The following AFG2A variants were observed in gnomAD, a reference collection of about 807,000 sequenced individuals.
AFG2A encodes the protein AAA ATPase AFG2A, also known as ATPase family gene 2 protein homolog A.
the AFG2A span, among the ~76,000 whole-genome samples, chr4:123,066,847 G>A: frequency 2.0e-5 from 3 of 152,144 alleles, no homozygotes; most frequent in African/African-American, 7.2e-5. Context: ...AGCAAGAGAC[G>A]AAATGGAAAA....
chr4:123,108,173 A>G, the AFG2A span, among the ~76,000 whole-genome samples: 1,865 of 152,280 alleles, frequency 0.012, 38 homozygotes, highest in African/African-American at 0.042. Flanking sequence ...TGCTGCCATC[A>G]TTACTCCCAA....
the AFG2A span, among the ~76,000 whole-genome samples, chr4:122,953,609 G>C: frequency 2.0e-4 from 30 of 152,236 alleles, no homozygotes; most frequent in Admixed American, 6.5e-5. Context: ...AGGGTGGCGG[G>C]CTGAACCTGA....
At chr4:122,929,419 C>T in the AFG2A span, among the ~76,000 whole-genome samples, 1 of 152,008 alleles carries the variant, frequency 6.6e-6, no homozygotes, top group African/African-American at 2.4e-5. Context: ...AAGGGCTGGG[C>T]GCGGTGGCTT....
chr4:122,988,206 T>C, the AFG2A span, among the ~76,000 whole-genome samples: 6 of 151,984 alleles, frequency 3.9e-5, no homozygotes, highest in Non-Finnish European at 8.8e-5. Flanking sequence ...TTCTTGCTGC[T>C]TTCAAAATTT....
chr4:123,086,374 TGAG>T, the AFG2A span, among the ~76,000 whole-genome samples: 2 of 152,220 alleles, frequency 1.3e-5, no homozygotes, highest in South Asian at 4.1e-4. Flanking sequence ...ACATGGTTTC[TGAG>T]GAGAAGTTAA....
chr4:123,010,034 G>C, the AFG2A span, among the ~76,000 whole-genome samples: 218 of 152,180 alleles, frequency 1.4e-3, no homozygotes, highest in Non-Finnish European at 2.7e-3. Context: ...GAAGCCAGAA[G>C]GGAGAACAGT....
chr4:123,146,928 G>GCAAAGATCTGTCCC, the AFG2A span, among the ~76,000 whole-genome samples: 1 of 151,950 alleles, frequency 6.6e-6, no homozygotes, highest in African/African-American at 2.4e-5. Flanking sequence ...AGTCTTCCGT[G>GCAAAGATCTGTCCC]AGCAAAGATC....
the AFG2A span, among the ~76,000 whole-genome samples, chr4:123,290,316 T>G: frequency 2.0e-5 from 3 of 152,314 alleles, no homozygotes; most frequent in Admixed American, 6.5e-5. Flanking sequence ...TCTTTAGTAT[T>G]TTTACAGTTT....
At chr4:123,203,585 C>T in the AFG2A span, among the ~76,000 whole-genome samples, 1 of 152,164 alleles carries the variant, frequency 6.6e-6, no homozygotes. Flanking sequence ...GCCAGTTGTA[C>T]CTTTTTTATT....
the AFG2A span, among the ~76,000 whole-genome samples, chr4:123,085,726 T>G: frequency 2.6e-5 from 4 of 152,174 alleles, no homozygotes; most frequent in South Asian, 8.3e-4. Context: ...TGGATTAATA[T>G]CTACGATATT....
the AFG2A span, among the ~76,000 whole-genome samples, chr4:122,952,120 C>T: frequency 6.6e-6 from 1 of 152,190 alleles, no homozygotes; most frequent in Admixed American, 6.5e-5. Flanking sequence ...GTAATGTCCT[C>T]TACTTGTTGT....
chr4:123,162,549 T>C, the AFG2A span, among the ~76,000 whole-genome samples: 7 of 152,136 alleles, frequency 4.6e-5, no homozygotes, highest in South Asian at 2.1e-4. Context: ...TTAGAACTTA[T>C]GTCTATAAAA....
the AFG2A span, among the ~76,000 whole-genome samples, chr4:123,095,724 A>G: frequency 6.6e-5 from 10 of 151,948 alleles, no homozygotes; most frequent in African/African-American, 2.4e-4. Flanking sequence ...AAAAAAGATC[A>G]TTGTAGGGTC....
chr4:123,224,080 G>A, the AFG2A span, among the ~76,000 whole-genome samples: 1 of 151,900 alleles, frequency 6.6e-6, no homozygotes, highest in Non-Finnish European at 1.5e-5. Flanking sequence ...AATCCTTTTT[G>A]AGTTGATTTT....
At chr4:123,131,272 T>C in the AFG2A span, among the ~76,000 whole-genome samples, 1 of 152,276 alleles carries the variant, frequency 6.6e-6, no homozygotes, top group South Asian at 2.1e-4. Context: ...ATCAACTCTT[T>C]ACTTATGTAT....
At chr4:123,237,740 T>C in the AFG2A span, among the ~76,000 whole-genome samples, 1 of 149,770 alleles carries the variant, frequency 6.7e-6, no homozygotes, top group East Asian at 2.0e-4. Flanking sequence ...AGCTCTGGTC[T>C]GCAGCTCCCA....
the AFG2A span, among the ~76,000 whole-genome samples, chr4:123,007,566 ATATGTGTGTGTGTGTGTG>A: frequency 2.5e-5 from 1 of 40,184 alleles, no homozygotes; most frequent in Non-Finnish European, 5.6e-5. Flanking sequence ...GTGTGTGTGT[ATATGTGTGTGTGTGTGTG>A]TGTGTGTGTG....
At chr4:123,084,600 G>T in the AFG2A span, among the ~76,000 whole-genome samples, 1 of 147,134 alleles carries the variant, frequency 6.8e-6, no homozygotes, top group Admixed American at 6.7e-5. Context: ...ATGTGTGTGT[G>T]TGTGTGTGTG....
the AFG2A span, among the ~76,000 whole-genome samples, chr4:122,972,666 AT>A: frequency 1.3e-5 from 2 of 150,492 alleles, no homozygotes; most frequent in East Asian, 1.9e-4. Flanking sequence ...TTTCATTGTG[AT>A]TTTTTTTGAG....
Sources: gnomAD v4.1 joint callset for allele counts (sites outside exome capture counted in the v4.1 genomes callset) on GRCh38, gnomAD v4.1.1 for gene constraint, MANE v1.5 for transcripts, NCBI Gene and HGNC (gene_info 2026-07-23, HGNC 2026-07-21) for gene names.